CALCRL: variants seen among roughly 807,000 people sequenced by gnomAD.
CALCRL encodes calcitonin gene-related peptide type 1 receptor.
Under a neutral mutation model 60.4 loss-of-function variants are expected in CALCRL, and 27 were observed. The ratio of observed to expected loss-of-function variants is 0.45; its 90% CI spans 0.33 to 0.62. The LOEUF is 0.62. Ranked by LOEUF, CALCRL falls within the 20% of genes least tolerant of loss-of-function variation. The pLI is 0.03. For missense variants in CALCRL, 424 were observed against 540.7 expected, an observed-to-expected ratio of 0.78 and a Z score of 2.14; for synonymous variants, 190 against 182.6, an observed-to-expected ratio of 1.04 and a Z score of -0.33.
chr2:187,382,502 T>C (rs545279184), intron 5 of CALCRL, among the ~76,000 whole-genome samples: 23 of 152,302 alleles, frequency 1.5e-4, no homozygotes, highest in African/African-American at 5.5e-4. Flanking sequence ...TTAAATTTTA[T>C]TTTACTGTGA....
intron 9 of CALCRL, among the ~76,000 whole-genome samples, chr2:187,361,874 A>G (rs1472326980): frequency 6.6e-6 from 1 of 151,934 alleles, no homozygotes; most frequent in Non-Finnish European, 1.5e-5. Context: ...CTATTTATTC[A>G]TTAAATGTAT....
At chr2:187,433,177 G>T (rs571301816) in intron 1 of CALCRL, among the ~76,000 whole-genome samples, 2 of 152,000 alleles carry the variant, frequency 1.3e-5, no homozygotes, top group Non-Finnish European at 2.9e-5. Context: ...AATTTACCAG[G>T]TTCAAAGTTG....
chr2:187,418,084 C>T (rs1182757242), intron 1 of CALCRL, among the ~76,000 whole-genome samples: 1 of 152,120 alleles, frequency 6.6e-6, no homozygotes, highest in Non-Finnish European at 1.5e-5. Flanking sequence ...AAAGCTTTGA[C>T]GTTTTCTGTT....
At chr2:187,399,240 T>C (rs750318724) in intron 1 of CALCRL, among the ~76,000 whole-genome samples, 2 of 151,476 alleles carry the variant, frequency 1.3e-5, no homozygotes, top group Non-Finnish European at 3.0e-5. Context: ...GCCCAGCAAA[T>C]AGGAGTTCAA....
intron 9 of CALCRL, among the ~76,000 whole-genome samples, chr2:187,362,806 T>G (rs2105733368): frequency 6.6e-6 from 1 of 152,262 alleles, no homozygotes; most frequent in South Asian, 2.1e-4. Flanking sequence ...AACACTGTAG[T>G]TTTTAAAACA....
chr2:187,349,856 A>G (rs886589152), intron 14 of CALCRL, among the ~76,000 whole-genome samples: 1 of 151,700 alleles, frequency 6.6e-6, no homozygotes, highest in Non-Finnish European at 1.5e-5. Context: ...AAAATGATTA[A>G]TGTTCCTGTT....
rs762852491 is a variant in CALCRL, at chr2:187,360,582, GTA to G, written c.781+14_781+15del. ...TTTAATCCACTGAATCAACAAGTAT[GTA>G]TAATAACACTTACCCCAGCCAAGAA... On this transcript the variant is annotated intron_variant, in intron 10 of 14. Coordinates refer to ENST00000392370, the MANE Select transcript of CALCRL (RefSeq NM_005795.6). The G allele has an allele frequency of 6.3e-7, 1 of 1,598,346 alleles. No individual in the cohort carries two copies. Among genetic ancestry groups the G allele is most frequent in the Non-Finnish European group, 8.5e-7 (1 of 1,172,824 alleles).
intron 1 of CALCRL, among the ~76,000 whole-genome samples, chr2:187,407,733 C>T (rs6719550): frequency 0.69 from 104,507 of 151,832 alleles, 36,148 homozygotes; most frequent in East Asian, 0.87. Flanking sequence ...TAAATCTTTC[C>T]TTAGCAACAA....
intron 8 of CALCRL, among the ~76,000 whole-genome samples, chr2:187,369,467 CTT>C (rs1290842366): frequency 6.6e-6 from 1 of 152,084 alleles, no homozygotes; most frequent in African/African-American, 2.4e-5. Flanking sequence ...GTATTATTGT[CTT>C]TTAATAAAAT....
At chr2:187,383,651 G>A (rs531330168) in intron 4 of CALCRL, among the ~76,000 whole-genome samples, 1 of 152,134 alleles carries the variant, frequency 6.6e-6, no homozygotes, top group East Asian at 1.9e-4. Context: ...TGTTTTTCCT[G>A]GCTCTATGAA....
At chr2:187,360,181 A>G (rs538063415) in intron 10 of CALCRL, among the ~76,000 whole-genome samples, 1 of 152,234 alleles carries the variant, frequency 6.6e-6, no homozygotes, top group South Asian at 2.1e-4. Context: ...CCGTAAAATG[A>G]CAATATTTTA....
At chr2:187,369,524 T>C (rs1254502298) in intron 8 of CALCRL, among the ~76,000 whole-genome samples, 2 of 152,180 alleles carry the variant, frequency 1.3e-5, no homozygotes, top group East Asian at 1.9e-4. Context: ...AAGTGATCTA[T>C]TGAGTTTGAA....
chr2:187,421,001 AG>A (rs1391357730), intron 1 of CALCRL, among the ~76,000 whole-genome samples: 3 of 152,200 alleles, frequency 2.0e-5, no homozygotes, highest in Non-Finnish European at 4.4e-5. Context: ...TGCCTTTCTT[AG>A]CTGGAACTGT....
intron 1 of CALCRL, among the ~76,000 whole-genome samples, chr2:187,433,837 C>T (rs960722984): frequency 1.3e-5 from 2 of 151,840 alleles, no homozygotes; most frequent in Non-Finnish European, 2.9e-5. Flanking sequence ...TCAGCTGATG[C>T]CTATAAAGGC....
At chr2:187,378,062 AAGG>A (rs1054422586) in intron 8 of CALCRL, among the ~76,000 whole-genome samples, 2 of 151,564 alleles carry the variant, frequency 1.3e-5, no homozygotes, top group African/African-American at 4.8e-5. Flanking sequence ...GAACAAGAAG[AAGG>A]AGAAGGAGAA....
intron 1 of CALCRL, among the ~76,000 whole-genome samples, chr2:187,391,701 A>C (rs1688454369): frequency 6.6e-6 from 1 of 152,150 alleles, no homozygotes; most frequent in African/African-American, 2.4e-5. Context: ...CTATGCAAAA[A>C]GAATTTTAAA....
chr2:187,357,110 C>G (rs1276300862), intron 12 of CALCRL, among the ~76,000 whole-genome samples: 8 of 152,110 alleles, frequency 5.3e-5, no homozygotes, highest in African/African-American at 2.4e-5. Context: ...CCTCAAGGAT[C>G]TAGAACCAGA....
chr2:187,392,516 A>G (rs1007093720), intron 1 of CALCRL, among the ~76,000 whole-genome samples: 4 of 152,126 alleles, frequency 2.6e-5, no homozygotes, highest in African/African-American at 4.8e-5. Context: ...CTCTACTCCA[A>G]TCGCAGAGTT....
rs1686255042 is a variant in CALCRL, at chr2:187,346,027, T to G, written c.*157A>C. 1.8e-6 allele frequency: 1 copy of G among 552,096 alleles called. No individual in the cohort carries two copies. The highest frequency in any genetic ancestry group is 1.9e-5 in the African/African-American group (1 of 51,894). 34.2% of individuals were successfully genotyped at this position (552,096 alleles called of 1,614,324 possible). A position where few individuals can be genotyped will look rare whatever the true frequency, so the allele number is the denominator to read the frequency against. On this transcript the variant is annotated 3_prime_UTR_variant, in exon 15 of 15. Coordinates refer to ENST00000392370, the MANE Select transcript of CALCRL (RefSeq NM_005795.6). ...TTTTTTCCCACATAGAGCTGGATGT[T>G]ACACTCTTATCAACACACTACTAAT...
Sources: gnomAD v4.1 joint callset for allele counts (sites outside exome capture counted in the v4.1 genomes callset) on GRCh38, gnomAD v4.1.1 for gene constraint, MANE v1.5 for transcripts, NCBI Gene and HGNC (gene_info 2026-07-23, HGNC 2026-07-21) for gene names.